The following NLGN1 variants were observed in gnomAD, a reference collection of about 807,000 sequenced individuals.
NLGN1 encodes neuroligin 1, also known as neuroligin-1.
In NLGN1, 12 loss-of-function variants were observed where a neutral mutation model predicts 65.5. The ratio of observed to expected loss-of-function variants is 0.18; its 90% CI spans 0.12 to 0.30. The LOEUF (loss-of-function observed/expected upper bound fraction) is 0.30, where lower values mean the gene tolerates loss of function less well. NLGN1 is among the 10% of genes least tolerant of loss of function. The pLI is 1.00. For synonymous variants in NLGN1, 350 were observed against 359.5 expected (o/e 0.97, Z 0.30); for missense variants, 750 against 1,007.1 (o/e 0.74, Z 3.46).
At chr3:174,184,647 C>T (rs1203721975) in intron 4 of NLGN1, among the ~76,000 whole-genome samples, 1 of 152,110 alleles carries the variant, frequency 6.6e-6, no homozygotes, top group East Asian at 1.9e-4. Context: ...CAGCACTGCT[C>T]TGAGAGAAAT....
At chr3:173,804,018 A>G (rs1179099723) in intron 3 of NLGN1, among the ~76,000 whole-genome samples, 3 of 152,192 alleles carry the variant, frequency 2.0e-5, no homozygotes, top group African/African-American at 7.2e-5. Flanking sequence ...TTGTAATTTC[A>G]AACTCTGGTT....
At chr3:173,769,889 T>C (rs755677709) in intron 3 of NLGN1, among the ~76,000 whole-genome samples, 38 of 152,178 alleles carry the variant, frequency 2.5e-4, no homozygotes, top group Non-Finnish European at 4.7e-4. Context: ...TCTGGAAATA[T>C]CTAAAAGGTA....
intron 4 of NLGN1, among the ~76,000 whole-genome samples, chr3:173,929,231 G>A (rs1035007889): frequency 1.3e-5 from 2 of 152,146 alleles, no homozygotes; most frequent in African/African-American, 2.4e-5. Context: ...TAATTCAATT[G>A]CTCAGGATGG....
chr3:173,584,826 A>G (rs1577391323), intron 2 of NLGN1: 1 of 151,916 alleles, frequency 6.6e-6, no homozygotes, highest in East Asian at 1.9e-4. Flanking sequence ...TGCTTAAAGC[A>G]AAAAAAGAGA....
At chr3:173,598,693 G>A (rs578203738) in intron 2 of NLGN1, among the ~76,000 whole-genome samples, 52 of 152,176 alleles carry the variant, frequency 3.4e-4, no homozygotes, top group African/African-American at 1.2e-3. Flanking sequence ...TAGACTGTGC[G>A]TTCCTCAAAA....
chr3:173,725,718 T>A (rs1771650273), intron 3 of NLGN1, among the ~76,000 whole-genome samples: 1 of 152,190 alleles, frequency 6.6e-6, no homozygotes, highest in South Asian at 2.1e-4. Flanking sequence ...AGCTGGGTTC[T>A]CTTTCTCAGG....
intron 3 of NLGN1, among the ~76,000 whole-genome samples, chr3:173,734,413 T>TTTTTTTTTTTTTG (rs1491511719): frequency 1.3e-5 from 1 of 78,266 alleles, no homozygotes; most frequent in Non-Finnish European, 2.5e-5. Flanking sequence ...TTTTTTTTTT[T>TTTTTTTTTTTTTG]AGAAACAGGG....
chr3:173,698,489 T>C (rs1256617346), intron 3 of NLGN1, among the ~76,000 whole-genome samples: 1 of 152,184 alleles, frequency 6.6e-6, no homozygotes, highest in East Asian at 1.9e-4. Flanking sequence ...TATTCCCTTT[T>C]GATGCATAAG....
In NLGN1 at chr3:173,545,597, A is replaced by G. The variant is rs148053388; in HGVS notation, c.-320-58682A>G. On this transcript the variant is annotated intron_variant, in intron 2 of 6. Coordinates refer to ENST00000457714, the Ensembl canonical transcript of NLGN1. Reference sequence around the variant, plus strand: ...CACCATCCATCCCATTACTGGCTATATACCCAAAGTATTATAAATCATTCT... The same window carrying G: ...CACCATCCATCCCATTACTGGCTATGTACCCAAAGTATTATAAATCATTCT... Among the ~76,000 whole-genome samples the G allele has an allele frequency of 2.7e-3, 411 of 152,280 alleles. 1 individual carries two copies. Among genetic ancestry groups the G allele is most frequent in the African/African-American group, 9.0e-3 (376 of 41,552 alleles).
chr3:173,552,204 G>A (rs764777261), intron 2 of NLGN1, among the ~76,000 whole-genome samples: 4 of 152,146 alleles, frequency 2.6e-5, no homozygotes, highest in Non-Finnish European at 4.4e-5. Context: ...TCTTTTTGAT[G>A]GCTATAGTAA....
chr3:173,480,708 AATT>A (rs1302078502), intron 2 of NLGN1, among the ~76,000 whole-genome samples: 2 of 152,086 alleles, frequency 1.3e-5, no homozygotes, highest in African/African-American at 4.8e-5. Flanking sequence ...TTAGCTTTTT[AATT>A]ATTCCACTCA....
chr3:173,944,890 A>G (rs533138259), intron 4 of NLGN1, among the ~76,000 whole-genome samples: 34 of 152,168 alleles, frequency 2.2e-4, no homozygotes, highest in Non-Finnish European at 4.7e-4. Flanking sequence ...TGTAATAAAG[A>G]GAAGAGTTTT....
chr3:173,700,891 C>T (rs898813217), intron 3 of NLGN1, among the ~76,000 whole-genome samples: 4 of 152,144 alleles, frequency 2.6e-5, no homozygotes, highest in South Asian at 2.1e-4. Flanking sequence ...TTTGGGAGGC[C>T]GAGGCGGGCG....
chr3:173,900,616 A>G (rs530759534), intron 4 of NLGN1, among the ~76,000 whole-genome samples: 1 of 152,198 alleles, frequency 6.6e-6, no homozygotes, highest in South Asian at 2.1e-4. Context: ...AAGGGAATTT[A>G]ACTTCCAATT....
intron 4 of NLGN1, among the ~76,000 whole-genome samples, chr3:173,937,622 A>G (rs1430378494): frequency 1.3e-5 from 2 of 152,298 alleles, no homozygotes; most frequent in Admixed American, 6.5e-5. Context: ...TCTGCAGCTT[A>G]TCTATGCCAT....
intron 4 of NLGN1, among the ~76,000 whole-genome samples, chr3:173,974,808 T>C (rs184191293): frequency 2.6e-5 from 4 of 152,208 alleles, no homozygotes; most frequent in Admixed American, 1.3e-4. Flanking sequence ...GTCTTTATAA[T>C]TGAAAGCATA....
intron 2 of NLGN1, among the ~76,000 whole-genome samples, chr3:173,572,556 A>T (rs1744819393): frequency 6.6e-6 from 1 of 152,142 alleles, no homozygotes; most frequent in East Asian, 1.9e-4. Context: ...ATCCTCTGTG[A>T]TCTATTTCCC....
At position 174,130,684 on chromosome 3, in the gene NLGN1, G is replaced by A. The variant is rs545141217; in HGVS notation, c.647-144631G>A. On this transcript the variant is annotated intron_variant, in intron 4 of 6. Transcript: ENST00000457714. ...AAATGGCAAAGGTGTAGCAGGTGAC[G>A]CAGACAACAAGAATAAAAGCAAAGG... Among the ~76,000 whole-genome samples the A allele has an allele frequency of 1.1e-4, 16 of 152,230 alleles. No individual in the cohort carries two copies. The South Asian group carries it at 2.3e-3, about 22-fold the overall frequency.
At chr3:174,216,142 G>C (rs1002549112) in intron 4 of NLGN1, among the ~76,000 whole-genome samples, 2 of 152,062 alleles carry the variant, frequency 1.3e-5, no homozygotes, top group Non-Finnish European at 2.9e-5. Flanking sequence ...TAAATTGTGC[G>C]CTTTACAAAT....
Sources: gnomAD v4.1 joint callset for allele counts (sites outside exome capture counted in the v4.1 genomes callset) on GRCh38, gnomAD v4.1.1 for gene constraint, MANE v1.5 for transcripts, NCBI Gene and HGNC (gene_info 2026-07-23, HGNC 2026-07-21) for gene names.